The following ACSM1 variants were observed in gnomAD, a reference collection of about 807,000 sequenced individuals.
The protein encoded by ACSM1 is acyl-CoA synthetase medium chain family member 1, also known as acyl-coenzyme A synthetase ACSM1, mitochondrial.
A neutral mutation model predicts 75.8 loss-of-function variants in ACSM1; 79 were observed. The ratio of observed to expected loss-of-function variants is 1.04; its 90% CI spans 0.87 to 1.26. The LOEUF (loss-of-function observed/expected upper bound fraction) is 1.26. Among genes scored for constraint, ACSM1 ranks in the 50% most tolerant of loss-of-function variants. The probability of loss-of-function intolerance (pLI) is 0.00; values close to 1 mark genes in which losing one functional copy is unlikely to be tolerated. For synonymous variants in ACSM1, 279 were observed against 265.8 expected, an observed-to-expected ratio of 1.05 and a Z score of -0.48; for missense variants, 676 against 720.1, an observed-to-expected ratio of 0.94 and a Z score of 0.70.
intron 7 of ACSM1, among the ~76,000 whole-genome samples, chr16:20,643,471 G>T (rs1359639886): frequency 1.3e-5 from 2 of 152,192 alleles, no homozygotes; most frequent in African/African-American, 4.8e-5. Context: ...GCTCTTAAAA[G>T]TGGTGTGTCC....
chr16:20,681,585 A>G (rs1014292900), intron 4 of ACSM1: 2 of 152,282 alleles, frequency 1.3e-5, no homozygotes, highest in African/African-American at 2.4e-5. Flanking sequence ...GTAATAACTC[A>G]ACACACTACC....
intron 6 of ACSM1, among the ~76,000 whole-genome samples, chr16:20,669,177 T>C (rs1298981214): frequency 6.6e-6 from 1 of 152,108 alleles, no homozygotes; most frequent in Non-Finnish European, 1.5e-5. Context: ...ATCATAACAA[T>C]AGCAGCAGCA....
intron 10 of ACSM1, among the ~76,000 whole-genome samples, chr16:20,630,946 CG>C (rs1399249077): frequency 2.0e-5 from 3 of 152,050 alleles, no homozygotes; most frequent in Non-Finnish European, 4.4e-5. Context: ...GAAGAAGTCA[CG>C]AGGAAATTTA....
At chr16:20,643,898 G>A (rs1035656640) in intron 7 of ACSM1, among the ~76,000 whole-genome samples, 3 of 151,870 alleles carry the variant, frequency 2.0e-5, no homozygotes, top group African/African-American at 7.3e-5. Flanking sequence ...TGAATTTACA[G>A]TCCTTTATCT....
chr16:20,685,521 C>A, intron 2 of ACSM1, 118 bp from the exon 3 acceptor site: 1 of 922,902 alleles, frequency 1.1e-6, no homozygotes, highest in East Asian at 2.5e-5. Context: ...ACTGAGATCC[C>A]ATTTTAAAAC....
At chr16:20,624,671 G>T (rs956316814) in intron 12 of ACSM1, among the ~76,000 whole-genome samples, 1 of 152,080 alleles carries the variant, frequency 6.6e-6, no homozygotes, top group Non-Finnish European at 1.5e-5. Flanking sequence ...ATTGCACAAG[G>T]TCTCACATAT....
intron 8 of ACSM1, among the ~76,000 whole-genome samples, chr16:20,639,875 G>A (rs2017947137): frequency 6.6e-6 from 1 of 152,116 alleles, no homozygotes; most frequent in South Asian, 2.1e-4. Flanking sequence ...GTTGGGAACT[G>A]CATCAGTCAA....
At chr16:20,671,705 C>T in intron 4 of ACSM1, 34 bp from the exon 5 acceptor site, 2 of 1,480,112 alleles carry the variant, frequency 1.4e-6, no homozygotes, top group Non-Finnish European at 1.8e-6. Flanking sequence ...GGAAAAAAGT[C>T]ATGATTGCTG....
chr16:20,637,357 C>T lies in ACSM1; in HGVS notation c.1197+14G>A. Reference sequence around the variant, plus strand: ...AGCCCTAACTGCTCCCTGCCAATGCCCTTAGGACCAGACCTGGACGTCGTA... The same window carrying T: ...AGCCCTAACTGCTCCCTGCCAATGCTCTTAGGACCAGACCTGGACGTCGTA... On this transcript the variant is annotated intron_variant, in intron 9 of 13. Coordinates refer to ENST00000520010, the MANE Select transcript of ACSM1 (RefSeq NM_001318890.3). 6.2e-7 allele frequency: 1 copy of T among 1,613,090 alleles called. No individual in the cohort carries two copies. The highest frequency in any genetic ancestry group is 1.1e-5 in the South Asian group (1 of 91,052).
At chr16:20,660,740 T>A (rs1240807077) in intron 7 of ACSM1, among the ~76,000 whole-genome samples, 1 of 152,208 alleles carries the variant, frequency 6.6e-6, no homozygotes, top group African/African-American at 2.4e-5. Flanking sequence ...ACATATTAGC[T>A]CTGATTTTTG....
intron 7 of ACSM1, among the ~76,000 whole-genome samples, chr16:20,641,545 T>C (rs1202589434): frequency 1.3e-5 from 2 of 152,192 alleles, no homozygotes; most frequent in East Asian, 3.9e-4. Context: ...ATCACAGGTG[T>C]TCATCATGCA....
At chr16:20,678,953 T>C (rs2079376576) in intron 4 of ACSM1, among the ~76,000 whole-genome samples, 1 of 152,134 alleles carries the variant, frequency 6.6e-6, no homozygotes, top group African/African-American at 2.4e-5. Context: ...AGAAGTAACT[T>C]TAAGAAGGCA....
At chr16:20,664,628 TAAACTC>T (rs1425483877) in intron 6 of ACSM1, among the ~76,000 whole-genome samples, 2 of 152,162 alleles carry the variant, frequency 1.3e-5, no homozygotes, top group African/African-American at 4.8e-5. Context: ...ATTATGGACT[TAAACTC>T]AACATTTGAC....
chr16:20,671,503 G>A (rs1374217439), intron 5 of ACSM1, 28 bp downstream of exon 5: 1 of 1,579,822 alleles, frequency 6.3e-7, no homozygotes. Flanking sequence ...TCTGGGTCCA[G>A]CCTCTATGTC....
intron 1 of ACSM1, among the ~76,000 whole-genome samples, chr16:20,693,337 C>A (rs1157440998): frequency 6.6e-6 from 1 of 152,130 alleles, no homozygotes; most frequent in Non-Finnish European, 1.5e-5. Context: ...CCCTTCAGAT[C>A]CTGAAATATG....
chr16:20,624,116 G>A lies in ACSM1; in HGVS notation c.1627C>T (p.Pro543Ser). The A allele has an allele frequency of 1.2e-6, 2 of 1,612,956 alleles. No homozygotes were observed. Among genetic ancestry groups the A allele is most frequent in the Non-Finnish European group, 8.5e-7 (1 of 1,179,214 alleles). The stretch of plus-strand genomic sequence containing the variant: ...CTCACCTTCCTTGGGTACTTGTATG[G>A]GGCTGTCACTGACTTGACATGCTGC... Reference protein sequence around the residue: ...LQQHVKSVTAPYKYPRKVEFV... With the variant: ...LQQHVKSVTASYKYPRKVEFV... Residue 543 changes from proline (P) to serine (S), a missense_variant, in exon 13 of 14, where the codon CCA becomes TCA. Physicochemically the swap from Pro to Ser is moderately conservative, Grantham distance 74 (BLOSUM62 -1). Coordinates refer to ENST00000520010, the MANE Select transcript of ACSM1 (RefSeq NM_001318890.3).
intron 6 of ACSM1, among the ~76,000 whole-genome samples, chr16:20,664,622 T>C (rs868674359): frequency 6.6e-6 from 1 of 152,192 alleles, no homozygotes; most frequent in Non-Finnish European, 1.5e-5. Flanking sequence ...AAAGAAATTA[T>C]GGACTTAAAC....
Position 20,623,856 on chromosome 16 carries a change from C to CT in ACSM1, c.1647+239dup, listed in dbSNP as rs2016755171. ...AGACTGACCACCCTCTCCTTCATCTCTTAGAGCAGCTGACAGGTCCCATAT... is the reference window on the plus strand; with the variant it reads ...AGACTGACCACCCTCTCCTTCATCTCTTTAGAGCAGCTGACAGGTCCCATAT... On this transcript the variant is annotated intron_variant, in intron 13 of 13. Transcript: ENST00000520010. Among the ~76,000 whole-genome samples, 4 of 152,334 alleles carry CT rather than the reference C, an allele frequency of 2.6e-5. No individual in the cohort carries two copies. In the South Asian group the frequency reaches 8.3e-4, roughly 32 times the overall value.
chr16:20,675,462 A>G (rs973153539), intron 4 of ACSM1, among the ~76,000 whole-genome samples: 1 of 152,186 alleles, frequency 6.6e-6, no homozygotes, highest in Non-Finnish European at 1.5e-5. Flanking sequence ...CTGGCTAAGC[A>G]GCGTCTGAAA....
Sources: gnomAD v4.1 joint callset for allele counts (sites outside exome capture counted in the v4.1 genomes callset) on GRCh38, gnomAD v4.1.1 for gene constraint, MANE v1.5 for transcripts, NCBI Gene and HGNC (gene_info 2026-07-23, HGNC 2026-07-21) for gene names.